UNC45B: variants seen among roughly 807,000 people sequenced by gnomAD.
UNC45B encodes the protein protein unc-45 homolog B.
A neutral mutation model predicts 98.7 loss-of-function variants in UNC45B; 78 were observed. The ratio of observed to expected loss-of-function variants is 0.79; its 90% CI spans 0.66 to 0.95. The LOEUF (loss-of-function observed/expected upper bound fraction) is 0.95. Ranked by LOEUF, UNC45B falls within the 40% of genes least tolerant of loss-of-function variation. UNC45B has a pLI of 0.00. For synonymous variants in UNC45B, 462 were observed against 480.4 expected (o/e 0.96, Z 0.50); for missense variants, 1,225 against 1,184.9 (o/e 1.03, Z -0.50).
chr17:35,161,763 TG>T (rs1485880653), intron 8 of UNC45B, among the ~76,000 whole-genome samples: 1 of 152,118 alleles, frequency 6.6e-6, no homozygotes, highest in African/African-American at 2.4e-5. Flanking sequence ...GGGGGCTGGT[TG>T]CCAGGGGAAA....
At chr17:35,158,650 C>G (rs949445070) in intron 7 of UNC45B, among the ~76,000 whole-genome samples, 4 of 152,184 alleles carry the variant, frequency 2.6e-5, no homozygotes, top group Non-Finnish European at 4.4e-5. Flanking sequence ...AAAGTCTGCC[C>G]TCTGGAGCCT....
At chr17:35,155,214 G>C in intron 6 of UNC45B, 82 bp from the exon 7 acceptor site, 1 of 1,527,132 alleles carries the variant, frequency 6.5e-7, no homozygotes, top group East Asian at 2.3e-5. Flanking sequence ...GGGTGGGGAG[G>C]ATTATCACAC....
intron 18 of UNC45B, 82 bp downstream of exon 18, chr17:35,180,758 G>C (rs55674950): frequency 2.9e-6 from 3 of 1,043,410 alleles, no homozygotes; most frequent in South Asian, 1.4e-5. Flanking sequence ...GGGTGAGATC[G>C]GGAGCTCTTA....
intron 3 of UNC45B, among the ~76,000 whole-genome samples, 190 bp downstream of exon 3, chr17:35,149,199 C>T (rs1419772778): frequency 6.6e-6 from 1 of 152,090 alleles, no homozygotes; most frequent in African/African-American, 2.4e-5. Flanking sequence ...AATATTTAGC[C>T]CAGAAAAGGC....
intron 18 of UNC45B, among the ~76,000 whole-genome samples, chr17:35,181,099 G>T (rs1304360072): frequency 6.6e-6 from 1 of 152,198 alleles, no homozygotes; most frequent in African/African-American, 2.4e-5. Flanking sequence ...AGCCATTTTA[G>T]GATGTCTCAA....
chr17:35,171,176 C>T (rs564479971), intron 12 of UNC45B, 146 bp from the exon 13 acceptor site: 12 of 970,626 alleles, frequency 1.2e-5, no homozygotes, highest in African/African-American at 9.8e-5. Flanking sequence ...TCCTCTCCTG[C>T]GCTGCTGTCT....
intron 7 of UNC45B, among the ~76,000 whole-genome samples, chr17:35,157,105 G>T (rs937211347): frequency 6.6e-6 from 1 of 151,984 alleles, no homozygotes; most frequent in South Asian, 2.1e-4. Context: ...ATCTTCCCTT[G>T]TATGGATTAT....
chr17:35,175,923 G>T (rs779159449), intron 14 of UNC45B, 45 bp from the exon 15 acceptor site: 6 of 1,577,916 alleles, frequency 3.8e-6, no homozygotes, highest in Non-Finnish European at 5.2e-6. Flanking sequence ...GCCTGGGAAG[G>T]TGTGCTGGTG....
chr17:35,167,462 A>T (rs995234686), intron 9 of UNC45B, among the ~76,000 whole-genome samples: 1 of 152,116 alleles, frequency 6.6e-6, no homozygotes, highest in Non-Finnish European at 1.5e-5. Context: ...TCTACAAAAA[A>T]ATTTAAACAA....
intron 18 of UNC45B, among the ~76,000 whole-genome samples, chr17:35,181,514 G>C (rs2092273554): frequency 6.6e-6 from 1 of 152,204 alleles, no homozygotes; most frequent in Admixed American, 6.5e-5. Context: ...TTAAAGGCCA[G>C]GTATGGTGGC....
chr17:35,186,383 A>C lies in UNC45B; in HGVS notation c.2614A>C (p.Asn872His), dbSNP rs1275293908. The C allele has an allele frequency of 7.4e-6, 12 of 1,614,038 alleles. No homozygotes were observed. The highest frequency in any genetic ancestry group is 1.0e-5 in the Non-Finnish European group (12 of 1,180,038). Residue 872 changes from asparagine (N) to histidine (H), a missense_variant, in exon 20 of 20, where the codon AAC becomes CAC. By Grantham distance (68) the Asn-to-His change is moderately conservative (BLOSUM62 1). Coordinates refer to ENST00000394570, the MANE Select transcript of UNC45B (RefSeq NM_001267052.2). ...VQHRGLVIAYNLLAADAELAK... is the reference protein window; with the variant it reads ...VQHRGLVIAYHLLAADAELAK... ...ACACCGGGGCCTGGTCATTGCCTAC[A>C]ACCTACTGGCAGCCGATGCTGAGCT...
intron 19 of UNC45B, 87 bp from the exon 20 acceptor site, chr17:35,186,212 G>A (rs1014118019): frequency 1.9e-6 from 3 of 1,547,450 alleles, no homozygotes; most frequent in African/African-American, 2.7e-5. Flanking sequence ...TCCTAACATT[G>A]CCACACCAGG....
chr17:35,159,622 T>C, intron 8 of UNC45B, 77 bp downstream of exon 8: 1 of 1,511,394 alleles, frequency 6.6e-7, no homozygotes, highest in Non-Finnish European at 9.0e-7. Flanking sequence ...AAATGGAAGA[T>C]GTGAGGCTCT....
chr17:35,180,658 C>A lies in UNC45B; in HGVS notation c.2355C>A (p.Asn785Lys), dbSNP rs1269543600. The change falls in exon 18 of 20, where the codon AAC becomes AAA. Residue 785 changes from asparagine to lysine, a missense_variant. Physicochemically the swap from Asn to Lys is moderately conservative, Grantham distance 94 (BLOSUM62 0). Coordinates refer to ENST00000394570, the MANE Select transcript of UNC45B (RefSeq NM_001267052.2). ...AGGCGGCCACCGAGTGCATGTGCAA[C>A]ATGGTGCTCCACAAGGAGGTGAGGC... is the stretch of plus-strand genomic sequence containing the variant. The part of the protein sequence containing the change: ...LRQAATECMC[N>K]MVLHKEVQER... 13 of 1,613,498 alleles carry A rather than the reference C, an allele frequency of 8.1e-6. No individual in the cohort carries two copies. The highest frequency in any genetic ancestry group is 3.4e-4 in the Middle Eastern group (2 of 5,878).
At chr17:35,175,491 T>C (rs2092226197) in intron 14 of UNC45B, among the ~76,000 whole-genome samples, 1 of 152,136 alleles carries the variant, frequency 6.6e-6, no homozygotes, top group African/African-American at 2.4e-5. Context: ...AGGAGCCACC[T>C]AAATGCAGGA....
intron 13 of UNC45B, among the ~76,000 whole-genome samples, chr17:35,173,091 C>T (rs1327787174): frequency 6.6e-6 from 1 of 151,714 alleles, no homozygotes; most frequent in Non-Finnish European, 1.5e-5. Context: ...AACACATTGC[C>T]ACACGCACTG....
At position 35,174,264 on chromosome 17, in the gene UNC45B, T is replaced by G. The variant is rs1264143093; in HGVS notation, c.1853T>G (p.Met618Arg). 6.2e-7 allele frequency: 1 copy of G among 1,614,062 alleles called. No individual in the cohort carries two copies. The highest frequency in any genetic ancestry group is 2.2e-5 in the East Asian group (1 of 44,888). Residue 618 changes from methionine to arginine, a missense_variant, in exon 14 of 20, where the codon ATG becomes AGG. Transcript: ENST00000394570. ...HPKDKKDFID[M>R]RVKRLLKAGV... ...CAGGACAAGAAGGACTTTATAGACA[T>G]GCGGGTGAAGCGGCTTCTGAAGGCG...
At chr17:35,180,051 A>T (rs2092262798) in intron 17 of UNC45B, among the ~76,000 whole-genome samples, 1 of 152,116 alleles carries the variant, frequency 6.6e-6, no homozygotes, top group Non-Finnish European at 1.5e-5. Context: ...AAGGAAATTT[A>T]TTGGCTCATG....
intron 8 of UNC45B, among the ~76,000 whole-genome samples, chr17:35,163,041 A>G (rs535932302): frequency 2.6e-5 from 4 of 152,112 alleles, no homozygotes; most frequent in Non-Finnish European, 5.9e-5. Flanking sequence ...TCACTGGGCA[A>G]CTTACTTGAC....
Sources: allele counts gnomAD v4.1 joint callset (sites outside exome capture counted in the v4.1 genomes callset), GRCh38; gene constraint gnomAD v4.1.1; transcripts MANE v1.5; gene names NCBI Gene and HGNC (gene_info 2026-07-23, HGNC 2026-07-21).